The following GCSAML variants were observed in gnomAD, a reference collection of about 807,000 sequenced individuals.
GCSAML encodes germinal center associated signaling and motility like.
A neutral mutation model predicts 13.0 loss-of-function variants in GCSAML; 9 were observed. The ratio of observed to expected loss-of-function variants is 0.69; its 90% confidence interval spans 0.42 to 1.21. The LOEUF (loss-of-function observed/expected upper bound fraction) is 1.21. GCSAML is among the 50% of genes most tolerant of loss of function. The probability of loss-of-function intolerance (pLI) is 0.00; values close to 1 mark genes in which losing one functional copy is unlikely to be tolerated. For missense variants in GCSAML, 143 were observed against 153.4 expected (o/e 0.93, Z 0.36); for synonymous variants, 37 against 52.9 (o/e 0.70, Z 1.31).
At chr1:247,537,695 A>G (rs954043497) in intron 2 of GCSAML, among the ~76,000 whole-genome samples, 1 of 151,620 alleles carries the variant, frequency 6.6e-6, no homozygotes, top group African/African-American at 2.4e-5. Context: ...TGGCCATCGT[A>G]GTGGATACAA....
At chr1:247,510,462 G>C (rs1216767040) in intron 1 of GCSAML, among the ~76,000 whole-genome samples, 1 of 152,054 alleles carries the variant, frequency 6.6e-6, no homozygotes, top group African/African-American at 2.4e-5. Flanking sequence ...CCAGCTCCTG[G>C]AGTCATTGAT....
intron 1 of GCSAML, among the ~76,000 whole-genome samples, chr1:247,517,988 G>A (rs903360607): frequency 1.3e-5 from 2 of 152,186 alleles, no homozygotes; most frequent in Admixed American, 6.5e-5. Context: ...ACTGGCAACT[G>A]CACCAACGTC....
At chr1:247,549,009 C>G (rs909462366), upstream of GCSAML, 2 of 1,528,012 alleles carry the variant, frequency 1.3e-6, no homozygotes, top group African/African-American at 2.7e-5. Context: ...TCTGCCTCCC[C>G]TTTCGAGCTC....
At chr1:247,573,939 C>A (rs960537520) in intron 4 of GCSAML, among the ~76,000 whole-genome samples, 16 of 152,112 alleles carry the variant, frequency 1.1e-4, no homozygotes, top group African/African-American at 3.1e-4. Context: ...GTATTTTATT[C>A]TCTTTGTAGC....
rs1392784641 is a variant in GCSAML at position 247,513,772 on chromosome 1, CCT to C, written c.-263+6540_-263+6541del. ...CCTTGGCTAGGGGAGGGATTTCTTC[CCT>C]GACCCTTTGCGCTTCCTGGGTGAGG... On this transcript the variant is annotated intron_variant, in intron 1 of 5. Coordinates refer to the GCSAML transcript ENST00000366489. Among the ~76,000 whole-genome samples the C allele has an allele frequency of 2.6e-5, 4 of 152,276 alleles. No homozygotes were observed. The East Asian group carries it at 7.7e-4, about 29-fold the overall frequency.
intron 1 of GCSAML, among the ~76,000 whole-genome samples, chr1:247,510,643 A>G (rs1666003133): frequency 6.6e-6 from 1 of 152,202 alleles, no homozygotes; most frequent in South Asian, 2.1e-4. Flanking sequence ...ATTTAGTGCT[A>G]TAAATTTCCC....
chr1:247,548,325 T>C (rs1667645763), upstream of GCSAML, among the ~76,000 whole-genome samples: 1 of 152,230 alleles, frequency 6.6e-6, no homozygotes, highest in Admixed American at 6.5e-5. This position sits in a 1 kb window ranked among gnomAD's most constrained non-coding sequence, Gnocchi z 5.3. Flanking sequence ...TTGTGCTTTG[T>C]GGCTCTGGTG....
At chr1:247,518,451 C>G (rs531924799) in intron 1 of GCSAML, 3 of 152,420 alleles carry the variant, frequency 2.0e-5, no homozygotes, top group Admixed American at 6.5e-5. Flanking sequence ...GGCTGCCGCC[C>G]TTTCCACGGT....
chr1:247,561,196 C>T (rs1192411104), intron 2 of GCSAML, among the ~76,000 whole-genome samples: 2 of 152,148 alleles, frequency 1.3e-5, no homozygotes, highest in African/African-American at 4.8e-5. Flanking sequence ...TCAAGTGATC[C>T]ATCTGCCTTT....
chr1:247,514,665 T>C (rs1007215141), intron 1 of GCSAML, among the ~76,000 whole-genome samples: 21 of 152,226 alleles, frequency 1.4e-4, no homozygotes, highest in South Asian at 6.2e-4. Context: ...GAGAGGAGGA[T>C]CCAGTTTCAT....
At chr1:247,544,006 A>T (rs1285377765) in intron 2 of GCSAML, among the ~76,000 whole-genome samples, 1 of 152,160 alleles carries the variant, frequency 6.6e-6, no homozygotes. Context: ...GCTAATTCTT[A>T]TGTCAAACAA....
chr1:247,541,758 T>C (rs10436934), intron 2 of GCSAML, among the ~76,000 whole-genome samples: 46,579 of 151,910 alleles, frequency 0.31, 7,267 homozygotes, highest in Middle Eastern at 0.43. Context: ...ATCTGTAATC[T>C]CAGCACTTTG....
At chr1:247,532,433 C>G in intron 2 of GCSAML, 1 of 1,614,052 alleles carries the variant, frequency 6.2e-7, no homozygotes, top group African/African-American at 1.3e-5. Flanking sequence ...ATGAAGAGGA[C>G]AGTTTCTAGT....
upstream of GCSAML, chr1:247,549,013 C>T (rs963619876): frequency 2.1e-5 from 32 of 1,532,574 alleles, no homozygotes; most frequent in South Asian, 7.1e-5. Flanking sequence ...CCTCCCCTTT[C>T]GAGCTCTTCC....
At chr1:247,569,590 C>T (rs1458157050) in intron 4 of GCSAML, among the ~76,000 whole-genome samples, 1 of 152,174 alleles carries the variant, frequency 6.6e-6, no homozygotes, top group Non-Finnish European at 1.5e-5. Context: ...TTTTAATGTG[C>T]TGCTGGATTT....
chr1:247,550,591 C>G (rs1389513135), intron 1 of GCSAML, among the ~76,000 whole-genome samples: 2 of 151,834 alleles, frequency 1.3e-5, no homozygotes, highest in East Asian at 1.9e-4. Flanking sequence ...GAGCCGAGAT[C>G]CCGCCACTGC....
intron 1 of GCSAML, among the ~76,000 whole-genome samples, chr1:247,552,491 G>A (rs945319566): frequency 6.6e-6 from 1 of 152,192 alleles, no homozygotes; most frequent in African/African-American, 2.4e-5. Context: ...GTCTGGGGAA[G>A]GTAGCTGCTG....
At chr1:247,550,574 T>C (rs1667741121) in intron 1 of GCSAML, among the ~76,000 whole-genome samples, 2 of 151,998 alleles carry the variant, frequency 1.3e-5, no homozygotes, top group Non-Finnish European at 2.9e-5. Context: ...GAGGCGGAGC[T>C]TGCAGTGAGC....
chr1:247,560,417 A>G (rs1354026604), intron 2 of GCSAML, among the ~76,000 whole-genome samples: 8 of 152,076 alleles, frequency 5.3e-5, no homozygotes, highest in South Asian at 2.1e-4. Context: ...TCTCCTCACA[A>G]CTTAGTGAAC....
Sources: gnomAD v4.1 joint callset for allele counts (sites outside exome capture counted in the v4.1 genomes callset) on GRCh38, gnomAD v4.1.1 for gene constraint, Gnocchi (gnomAD v3.1) non-coding constraint, MANE v1.5 for transcripts, NCBI Gene and HGNC (gene_info 2026-07-23, HGNC 2026-07-21) for gene names.